The following TRPC7 variants were observed in gnomAD, a reference collection of about 807,000 sequenced individuals.
TRPC7 encodes transient receptor potential cation channel subfamily C member 7.
TRPC7 carries 42 observed loss-of-function variants against 90.1 expected under a neutral mutation model. The ratio of observed to expected loss-of-function variants is 0.47; its 90% CI spans 0.36 to 0.60. TRPC7 has a LOEUF of 0.60. Among genes scored for constraint, TRPC7 ranks in the 20% least tolerant of loss-of-function variants. The probability of loss-of-function intolerance (pLI) is 0.00; values close to 1 mark genes in which losing one functional copy is unlikely to be tolerated. For synonymous variants in TRPC7, 451 were observed against 436.3 expected (o/e 1.03, Z -0.42); for missense variants, 955 against 1,112.3 (o/e 0.86, Z 2.01).
intron 3 of TRPC7, among the ~76,000 whole-genome samples, chr5:136,293,673 C>A (rs1758049180): frequency 6.6e-6 from 1 of 152,190 alleles, no homozygotes; most frequent in Non-Finnish European, 1.5e-5. Context: ...ATTCCATGCT[C>A]ATGGGTAGGA....
intron 7 of TRPC7, among the ~76,000 whole-genome samples, chr5:136,246,027 TC>T (rs1405291278): frequency 1.3e-5 from 2 of 152,070 alleles, no homozygotes; most frequent in African/African-American, 4.8e-5. Context: ...CCCGTGCCCA[TC>T]CCCAGGGGAG....
At chr5:136,235,901 G>A (rs1755964533) in intron 7 of TRPC7, among the ~76,000 whole-genome samples, 1 of 152,164 alleles carries the variant, frequency 6.6e-6, no homozygotes, top group South Asian at 2.1e-4. Context: ...AAGATCCAGG[G>A]TGCATGCCTG....
At chr5:136,216,117 C>G in intron 11 of TRPC7, 83 bp downstream of exon 11, 1 of 1,146,578 alleles carries the variant, frequency 8.7e-7, no homozygotes, top group South Asian at 1.4e-5. Flanking sequence ...AGTGCCCTGA[C>G]AACACTGTGG....
intron 2 of TRPC7, among the ~76,000 whole-genome samples, chr5:136,351,821 T>G (rs998677860): frequency 2.4e-4 from 36 of 152,210 alleles, no homozygotes; most frequent in African/African-American, 8.0e-4. Context: ...GCCCAGAGAA[T>G]TTTCATGAGT....
At chr5:136,287,388 G>C (rs1757756220) in intron 3 of TRPC7, among the ~76,000 whole-genome samples, 1 of 151,988 alleles carries the variant, frequency 6.6e-6, no homozygotes, top group Admixed American at 6.6e-5. Flanking sequence ...TGTTTCCTGA[G>C]ACCAGGAAAG....
At chr5:136,278,732 G>A (rs1757451029) in intron 3 of TRPC7, among the ~76,000 whole-genome samples, 1 of 152,118 alleles carries the variant, frequency 6.6e-6, no homozygotes, top group African/African-American at 2.4e-5. Context: ...TACAACTTGG[G>A]GTTATTTCAT....
chr5:136,317,568 C>G (rs1759060333), intron 2 of TRPC7, among the ~76,000 whole-genome samples: 1 of 152,166 alleles, frequency 6.6e-6, no homozygotes, highest in African/African-American at 2.4e-5. Context: ...ATCACCTCAC[C>G]ACATGGACCC....
In TRPC7 at chr5:136,357,124, G is replaced by A. The variant is rs373243219; in HGVS notation, c.264C>T (p.Asn88=). The A allele has an allele frequency of 9.9e-6, 16 of 1,614,096 alleles. No individual in the cohort carries two copies. The highest frequency in any genetic ancestry group is 1.6e-4 in the Middle Eastern group (1 of 6,062). Residue 88 remains asparagine, a synonymous_variant, in exon 2 of 12, where the codon AAC becomes AAT. Coordinates refer to ENST00000513104, the MANE Select transcript of TRPC7 (RefSeq NM_020389.3). ...GCAGCTCCGTGACCTCTAGGTGCTC[G>A]TTGCCCACGGCCAGCTGCAGAGCGT... ...GQNALQLAVG[N]EHLEVTELLL...
intron 7 of TRPC7, among the ~76,000 whole-genome samples, chr5:136,242,664 C>T (rs1389304773): frequency 6.6e-6 from 1 of 152,146 alleles, no homozygotes; most frequent in East Asian, 1.9e-4. Flanking sequence ...CTTCCATCTC[C>T]CTATTGGTGC....
chr5:136,240,289 AC>A (rs1756119496), intron 7 of TRPC7, among the ~76,000 whole-genome samples: 1 of 152,002 alleles, frequency 6.6e-6, no homozygotes, highest in Non-Finnish European at 1.5e-5. Context: ...TCCCTGTGCT[AC>A]TCAAGTACCC....
intron 3 of TRPC7, among the ~76,000 whole-genome samples, chr5:136,277,056 C>T (rs1316850227): frequency 6.6e-6 from 1 of 152,222 alleles, no homozygotes; most frequent in Admixed American, 6.5e-5. Flanking sequence ...GGGAAGGATG[C>T]CTGTCACAAT....
intron 3 of TRPC7, among the ~76,000 whole-genome samples, chr5:136,305,951 G>A (rs972504292): frequency 1.4e-4 from 22 of 151,910 alleles, no homozygotes; most frequent in Non-Finnish European, 2.4e-4. Context: ...GGTACAGCCC[G>A]TTTGAGCTCC....
intron 8 of TRPC7, 92 bp downstream of exon 8, chr5:136,231,262 A>T (rs1755803500): frequency 8.6e-7 from 1 of 1,158,364 alleles, no homozygotes; most frequent in Non-Finnish European, 1.2e-6. Flanking sequence ...ATTTAACAAC[A>T]CATGGGCTTC....
chr5:136,341,720 T>C (rs188260969), intron 2 of TRPC7, among the ~76,000 whole-genome samples: 1 of 152,192 alleles, frequency 6.6e-6, no homozygotes, highest in South Asian at 2.1e-4. Flanking sequence ...TGTACAACAG[T>C]CGCTATTCAG....
chr5:136,357,296 T>C lies in TRPC7; in HGVS notation c.92A>G (p.Tyr31Cys). 3 of 1,611,942 alleles carry C rather than the reference T, an allele frequency of 1.9e-6. No individual in the cohort carries two copies. Among genetic ancestry groups the C allele is most frequent in the Non-Finnish European group, 2.5e-6 (3 of 1,179,870 alleles). The change falls in exon 2 of 12, where the codon TAC becomes TGC. Residue 31 changes from tyrosine (Y) to cysteine (C), a missense_variant. Physicochemically the swap from Tyr to Cys is radical, Grantham distance 194 (BLOSUM62 -2). Coordinates refer to ENST00000513104, the MANE Select transcript of TRPC7 (RefSeq NM_020389.3). ...GRRQAIRGPAYMFNEKGTSLT... is the reference protein window; with the variant it reads ...GRRQAIRGPACMFNEKGTSLT... ...ACTGGTGCCCTTCTCGTTGAACATG[T>C]AGGCGGGACCCCGGATGGCCTGGCG...
intron 2 of TRPC7, among the ~76,000 whole-genome samples, chr5:136,330,570 C>G (rs1759468872): frequency 6.6e-6 from 1 of 152,234 alleles, no homozygotes; most frequent in Admixed American, 6.5e-5. Flanking sequence ...GTGGGAGGAG[C>G]ATTCAAGGAC....
intron 2 of TRPC7, among the ~76,000 whole-genome samples, chr5:136,337,680 A>AAC (rs1759710220): frequency 6.6e-6 from 1 of 151,546 alleles, no homozygotes; most frequent in Non-Finnish European, 1.5e-5. Context: ...AAAAAAAAAA[A>AAC]ATCTGTTCTA....
At chr5:136,322,463 A>T (rs1759228666) in intron 2 of TRPC7, among the ~76,000 whole-genome samples, 1 of 152,196 alleles carries the variant, frequency 6.6e-6, no homozygotes, top group African/African-American at 2.4e-5. Context: ...CTACCATTTT[A>T]TATTCTACTA....
chr5:136,322,470 A>G (rs888654785), intron 2 of TRPC7, among the ~76,000 whole-genome samples: 9 of 152,196 alleles, frequency 5.9e-5, no homozygotes, highest in African/African-American at 1.4e-4. Flanking sequence ...TTTATATTCT[A>G]CTAGCAAATT....
Sources: allele counts gnomAD v4.1 joint callset (sites outside exome capture counted in the v4.1 genomes callset), GRCh38; gene constraint gnomAD v4.1.1; transcripts MANE v1.5; gene names NCBI Gene and HGNC (gene_info 2026-07-23, HGNC 2026-07-21).